ZNF487: variants seen among roughly 807,000 people sequenced by gnomAD.
The protein encoded by ZNF487 is zinc finger protein 487.
Under a neutral mutation model 3.0 loss-of-function variants are expected in ZNF487, and 4 were observed. The observed-to-expected ratio is 1.35, with a 90% CI of 0.66 to 3.08. The LOEUF is 3.08. ZNF487 is among the 30% of genes most tolerant of loss of function. The pLI, the probability that ZNF487 is intolerant of heterozygous loss-of-function variation, is 0.01. For missense variants in ZNF487, 146 were observed against 98.7 expected, an observed-to-expected ratio of 1.48 and a Z score of -2.03; for synonymous variants, 55 against 34.6, an observed-to-expected ratio of 1.59 and a Z score of -2.06.
the ZNF487 span, among the ~76,000 whole-genome samples, chr10:43,490,921 G>C: frequency 6.7e-6 from 1 of 150,362 alleles, no homozygotes; most frequent in Non-Finnish European, 1.5e-5. Flanking sequence ...TGATTTCCCC[G>C]CCTCAGACTC....
intron 3 of ZNF487, among the ~76,000 whole-genome samples, chr10:43,479,025 GA>G (rs1325552088): frequency 5.5e-5 from 8 of 146,236 alleles, no homozygotes; most frequent in African/African-American, 2.0e-4. Context: ...TAAACAAAGA[GA>G]AAATTTATAT....
At chr10:43,523,366 T>C in the ZNF487 span, 1 of 152,260 alleles carries the variant, frequency 6.6e-6, no homozygotes, top group African/African-American at 2.4e-5. Flanking sequence ...GAGAAACATT[T>C]AATATAAATT....
chr10:43,465,047 C>T (rs1376834511), intron 1 of ZNF487, among the ~76,000 whole-genome samples: 4 of 73,320 alleles, frequency 5.5e-5, no homozygotes, highest in Non-Finnish European at 3.7e-5. Flanking sequence ...GGGCGGGGGG[C>T]TGACCCCCCC....
At chr10:43,491,017 C>T in the ZNF487 span, among the ~76,000 whole-genome samples, 2 of 123,092 alleles carry the variant, frequency 1.6e-5, no homozygotes, top group African/African-American at 6.5e-5. Context: ...CTCACTCTGT[C>T]TCCTGGGGGC....
chr10:43,438,989 C>T (rs1839480178), intron 1 of ZNF487, among the ~76,000 whole-genome samples: 2 of 152,108 alleles, frequency 1.3e-5, no homozygotes, highest in African/African-American at 4.8e-5. Context: ...CGCCTGTAGT[C>T]CCAGCACTTT....
At chr10:43,454,937 C>CAA (rs58217923) in intron 1 of ZNF487, among the ~76,000 whole-genome samples, 5,137 of 85,034 alleles carry the variant, frequency 0.06, 248 homozygotes, top group Admixed American at 0.12. Flanking sequence ...GACCTTGTCT[C>CAA]AAAAAAAAAA....
At chr10:43,486,717 C>T (rs1306198520), downstream of ZNF487, among the ~76,000 whole-genome samples, 1 of 152,058 alleles carries the variant, frequency 6.6e-6, no homozygotes, top group African/African-American at 2.4e-5. Flanking sequence ...GGATAAAAGC[C>T]ATCTTTTTAT....
At chr10:43,475,643 C>A (rs1349946445) in intron 1 of ZNF487, 78 bp from the exon 2 acceptor site, 1 of 733,226 alleles carries the variant, frequency 1.4e-6, no homozygotes. Flanking sequence ...GTGAACATGA[C>A]AAGGTGTTAG....
chr10:43,484,517 G>T (rs1841453757), downstream of ZNF487, among the ~76,000 whole-genome samples: 2 of 152,012 alleles, frequency 1.3e-5, no homozygotes, highest in Admixed American at 1.3e-4. Flanking sequence ...TGAGGCAGGA[G>T]AACTGCTTGA....
In ZNF487 at chr10:43,439,453, A is replaced by G. The variant is rs575735212; in HGVS notation, c.-94+2191A>G. ...TGCGGTGGCTAACGCCTGTAATCCC[A>G]GCACTTGGGGAGGCCGAGGAGGGCA... On this transcript the variant is annotated intron_variant, in intron 1 of 3. Coordinates refer to ENST00000437590, the MANE Select transcript of ZNF487 (RefSeq NM_001355444.3). Among the ~76,000 whole-genome samples the G allele has an allele frequency of 9.2e-5, 14 of 152,256 alleles. No homozygotes were observed. In the East Asian group the frequency reaches 2.7e-3, roughly 29 times the overall value.
At chr10:43,509,136 G>A in the ZNF487 span, among the ~76,000 whole-genome samples, 1 of 151,204 alleles carries the variant, frequency 6.6e-6, no homozygotes, top group Non-Finnish European at 1.5e-5. Flanking sequence ...GGAGGTTGCA[G>A]TGAGTCAAGA....
chr10:43,507,416 G>A, the ZNF487 span, among the ~76,000 whole-genome samples: 11 of 152,334 alleles, frequency 7.2e-5, no homozygotes, highest in South Asian at 2.1e-3. Flanking sequence ...TTTCAGGCAA[G>A]AGTAATGGCC....
chr10:43,451,125 T>A (rs953795062), intron 1 of ZNF487, among the ~76,000 whole-genome samples: 2 of 151,858 alleles, frequency 1.3e-5, no homozygotes, highest in African/African-American at 4.8e-5. Context: ...TTTGTATTTT[T>A]AGTAGAGACG....
At chr10:43,520,617 G>T in the ZNF487 span, among the ~76,000 whole-genome samples, 2 of 152,306 alleles carry the variant, frequency 1.3e-5, no homozygotes, top group African/African-American at 2.4e-5. Context: ...CAGTTAGAAA[G>T]AAATATTTGT....
chr10:43,521,360 C>T, the ZNF487 span, among the ~76,000 whole-genome samples: 3 of 152,176 alleles, frequency 2.0e-5, no homozygotes, highest in African/African-American at 7.2e-5. Context: ...CATATATTCT[C>T]CACAGGCACA....
chr10:43,457,676 G>A (rs1469616935), intron 1 of ZNF487, among the ~76,000 whole-genome samples: 1 of 143,472 alleles, frequency 7.0e-6, no homozygotes, highest in East Asian at 2.1e-4. Context: ...GGCAACAGAG[G>A]GAGACTCCGC....
rs140665024 is a variant in ZNF487, at chr10:43,455,834, T to A, written c.-94+18572T>A. Among the ~76,000 whole-genome samples the A allele has an allele frequency of 9.4e-3, 1,430 of 152,334 alleles. 12 individuals are homozygous for A. Among genetic ancestry groups the A allele is most frequent in the Non-Finnish European group, 0.014 (936 of 68,014 alleles). On this transcript the variant is annotated intron_variant, in intron 1 of 3. Transcript: ENST00000437590. ...GCCTTAGCGGCGTTTGCTGCTCTTG[T>A]GCGGACGCCACTGCGCGCCCTAGTG...
At chr10:43,483,900 G>A (rs1279142923), downstream of ZNF487, among the ~76,000 whole-genome samples, 3 of 152,062 alleles carry the variant, frequency 2.0e-5, no homozygotes, top group Non-Finnish European at 4.4e-5. Flanking sequence ...TGCCAAGGCT[G>A]GAGTGCAGTG....
At chr10:43,497,763 C>T in the ZNF487 span, among the ~76,000 whole-genome samples, 1 of 151,592 alleles carries the variant, frequency 6.6e-6, no homozygotes, top group Admixed American at 6.6e-5. Flanking sequence ...GTCAGGAGAT[C>T]GAGACCATCC....
Sources: allele counts gnomAD v4.1 joint callset (sites outside exome capture counted in the v4.1 genomes callset), GRCh38; gene constraint gnomAD v4.1.1; transcripts MANE v1.5; gene names NCBI Gene and HGNC (gene_info 2026-07-23, HGNC 2026-07-21).